The following ZNF516 variants were observed in gnomAD, a reference collection of about 807,000 sequenced individuals.
ZNF516 encodes zinc finger protein 516.
In ZNF516, 19 loss-of-function variants were observed where a neutral mutation model predicts 79.7. That is an observed-to-expected ratio of 0.24 (90% CI 0.17 to 0.35). The LOEUF is 0.35. ZNF516 is among the 10% of genes least tolerant of loss of function. ZNF516 has a pLI of 1.00. For synonymous variants in ZNF516, 877 were observed against 739.5 expected (o/e 1.19, Z -3.02); for missense variants, 1,678 against 1,679.5 (o/e 1.00, Z 0.02).
chr18:76,438,278 A>G (rs965997956), intron 3 of ZNF516, among the ~76,000 whole-genome samples: 5 of 152,130 alleles, frequency 3.3e-5, no homozygotes, highest in African/African-American at 1.2e-4. Flanking sequence ...TGGCCCATAC[A>G]CTGAAGGTTT....
At chr18:76,421,478 G>C (rs754165983) in intron 3 of ZNF516, among the ~76,000 whole-genome samples, 72 of 152,328 alleles carry the variant, frequency 4.7e-4, no homozygotes, top group Middle Eastern at 6.8e-3. Context: ...CTGGAAAGCA[G>C]AGCCCGGGCT....
chr18:76,430,996 T>G (rs2075653435), intron 3 of ZNF516, among the ~76,000 whole-genome samples: 1 of 152,224 alleles, frequency 6.6e-6, no homozygotes, highest in African/African-American at 2.4e-5. Context: ...CTTTCTAACC[T>G]TTAATCCAGA....
chr18:76,435,324 A>T (rs1185853418), intron 3 of ZNF516, among the ~76,000 whole-genome samples: 1 of 152,238 alleles, frequency 6.6e-6, no homozygotes, highest in Non-Finnish European at 1.5e-5. Context: ...AAGGTCAGAA[A>T]ATGTAGCACT....
At chr18:76,495,898 C>A, upstream of ZNF516, 1 of 397,382 alleles carries the variant, frequency 2.5e-6, no homozygotes, top group Non-Finnish European at 4.0e-6. Context: ...AATCAAGGGT[C>A]ACAGAGGTCC....
chr18:76,488,462 T>G (rs1914961344), intron 1 of ZNF516, among the ~76,000 whole-genome samples: 1 of 145,890 alleles, frequency 6.9e-6, no homozygotes, highest in African/African-American at 2.5e-5. Flanking sequence ...CCACGGGTAT[T>G]CCTTGGACTA....
chr18:76,471,242 C>T (rs936066262), intron 1 of ZNF516, among the ~76,000 whole-genome samples: 2 of 151,558 alleles, frequency 1.3e-5, no homozygotes, highest in Non-Finnish European at 2.9e-5. Flanking sequence ...AAACCCTCCA[C>T]ATCCTCCACA....
intron 3 of ZNF516, among the ~76,000 whole-genome samples, chr18:76,382,317 A>G (rs2074906879): frequency 6.6e-6 from 1 of 152,188 alleles, no homozygotes; most frequent in Admixed American, 6.5e-5. Context: ...GCCTTTGTTT[A>G]AGTCAGAATG....
chr18:76,435,761 G>A (rs1013740002), intron 3 of ZNF516, among the ~76,000 whole-genome samples: 7 of 152,200 alleles, frequency 4.6e-5, no homozygotes, highest in Non-Finnish European at 5.9e-5. Flanking sequence ...TAGAGCCCTG[G>A]AGAGCCCTCT....
intron 3 of ZNF516, among the ~76,000 whole-genome samples, chr18:76,433,968 C>T (rs767056179): frequency 6.6e-6 from 1 of 152,010 alleles, no homozygotes; most frequent in Non-Finnish European, 1.5e-5. Context: ...CCACCGCGAC[C>T]GCCAGCACCT....
At position 76,461,086 on chromosome 18, in the gene ZNF516, G is replaced by A. The variant is rs542078888; in HGVS notation, c.-158+1942C>T. ...AATCCCAGCTACTTGGGAGGCTGAG[G>A]CAGGACAATCGCTTGAACCCGGGAG... is the stretch of plus-strand genomic sequence containing the variant. On this transcript the variant is annotated intron_variant, in intron 2 of 6. Coordinates refer to ENST00000443185, the MANE Select transcript of ZNF516 (RefSeq NM_014643.4). 8.5e-5 allele frequency among the ~76,000 whole-genome samples: 13 copies of A among 152,332 alleles called. No homozygotes were observed. The South Asian group carries it at 1.9e-3, about 22-fold the overall frequency.
intron 1 of ZNF516, among the ~76,000 whole-genome samples, chr18:76,475,889 A>G (rs970423609): frequency 6.6e-6 from 1 of 152,228 alleles, no homozygotes; most frequent in African/African-American, 2.4e-5. Flanking sequence ...ATCTTACTAC[A>G]TTCACCAAGC....
intron 2 of ZNF516, among the ~76,000 whole-genome samples, chr18:76,450,127 A>G (rs535026938): frequency 6.2e-5 from 9 of 145,072 alleles, no homozygotes; most frequent in East Asian, 2.2e-4. Flanking sequence ...ACCAAAGAGA[A>G]AGAGAGAGAC....
Position 76,493,387 on chromosome 18 carries a change from G to A in ZNF516, c.-272+1757C>T. On this transcript the variant is annotated intron_variant, in intron 1 of 6. Transcript: ENST00000443185. This position sits in a 1 kb window ranked among gnomAD's most constrained non-coding sequence, Gnocchi z 5.2. The stretch of plus-strand genomic sequence containing the variant: ...AGAGTTGCTCTCTACACCGAAAAGG[G>A]ACTTTGACCTTCCATTGATCTCGAA... 6.1e-6 allele frequency: 1 copy of A among 162,854 alleles called. No individual in the cohort carries two copies. Among genetic ancestry groups the A allele is most frequent in the Non-Finnish European group, 1.3e-5 (1 of 77,852 alleles). The allele number at this position is 162,854 out of a possible 1,614,324, so 10.1% of individuals were successfully genotyped here.
chr18:76,401,113 C>T (rs1163434959), intron 3 of ZNF516, among the ~76,000 whole-genome samples: 1 of 152,104 alleles, frequency 6.6e-6, no homozygotes, highest in Non-Finnish European at 1.5e-5. Flanking sequence ...TATTGGAACG[C>T]TAAGCTCATG....
At chr18:76,375,510 G>C (rs1190270533) in intron 4 of ZNF516, among the ~76,000 whole-genome samples, 1 of 151,152 alleles carries the variant, frequency 6.6e-6, no homozygotes, top group African/African-American at 2.4e-5. Flanking sequence ...ATACCAGGTA[G>C]AGGATGGACG....
rs747065029 is a variant in ZNF516, at chr18:76,379,526, A to C, written c.2588T>G (p.Met863Arg). Residue 863 changes from methionine (M) to arginine (R), a missense_variant, in exon 4 of 7, where the codon ATG (methionine) becomes AGG (arginine). Around this residue, in one of 5 missense-constraint regions of ZNF516, gnomAD observed 1,294 missense variants for 1,248.3 expected, o/e 1.04. Coordinates refer to ENST00000443185, the MANE Select transcript of ZNF516 (RefSeq NM_014643.4). ...PLGVVTKAAS[M>R]PKNKESHSGG... is the part of the protein sequence containing the mutation. ...GGAATGGCTCTCCTTATTCTTAGGC[A>C]TGCTAGCGGCTTTTGTGACCACTCC... 6.2e-7 allele frequency: 1 copy of C among 1,613,730 alleles called. No homozygotes were observed. Among genetic ancestry groups the C allele is most frequent in the Admixed American group, 1.7e-5 (1 of 60,024 alleles).
intron 6 of ZNF516, among the ~76,000 whole-genome samples, chr18:76,364,540 A>G (rs2074585047): frequency 6.6e-6 from 1 of 152,178 alleles, no homozygotes; most frequent in African/African-American, 2.4e-5. Context: ...TGAAAGACAT[A>G]CTATCTTTCT....
In ZNF516 at chr18:76,451,279, C is replaced by G. The variant is rs1016402749; in HGVS notation, c.-157-8068G>C. Among the ~76,000 whole-genome samples the G allele has an allele frequency of 6.6e-6, 1 of 152,182 alleles. No homozygotes were observed. The highest frequency in any genetic ancestry group is 1.5e-5 in the Non-Finnish European group (1 of 68,036). Reference sequence around the variant, plus strand: ...GACGCCATGTGGCTTTACTTATCCCCGTCTGCGTCCTCTCTGACCACCTTC... The same window carrying G: ...GACGCCATGTGGCTTTACTTATCCCGGTCTGCGTCCTCTCTGACCACCTTC... On this transcript the variant is annotated intron_variant, in intron 2 of 6. Coordinates refer to ENST00000443185, the MANE Select transcript of ZNF516 (RefSeq NM_014643.4). This position sits in a 1 kb window ranked among gnomAD's most constrained non-coding sequence, Gnocchi z 6.0.
At position 76,441,587 on chromosome 18, in the gene ZNF516, C is replaced by G; in HGVS notation, c.1468G>C (p.Ala490Pro). 1 of 1,436,138 alleles carries G rather than the reference C, an allele frequency of 7.0e-7. No homozygotes were observed. The highest frequency in any genetic ancestry group is 9.1e-7 in the Non-Finnish European group (1 of 1,098,934). The allele number at this position is 1,436,138 out of a possible 1,614,324, so 89.0% of individuals were successfully genotyped here. ...RASGPGDPAPAGHLDPRSAAR... is the reference protein window; with the variant it reads ...RASGPGDPAPPGHLDPRSAAR... The stretch of plus-strand genomic sequence containing the variant: ...GCCGAGCGGGGATCGAGGTGGCCGG[C>G]GGGCGCGGGGTCCCCAGGCCCGCTC... Residue 490 changes from alanine (A) to proline (P), a missense_variant, in exon 3 of 7, where the codon GCC (alanine) becomes CCC (proline). Ala to Pro is a conservative substitution (Grantham distance 27). Transcript: ENST00000443185.
Sources: allele counts gnomAD v4.1 joint callset (sites outside exome capture counted in the v4.1 genomes callset), GRCh38; gene constraint gnomAD v4.1.1; regional missense constraint gnomAD v4.1.1; non-coding constraint Gnocchi (gnomAD v3.1); transcripts MANE v1.5; gene names NCBI Gene and HGNC (gene_info 2026-07-23, HGNC 2026-07-21).